MB21D2: variants seen among roughly 807,000 people sequenced by gnomAD.
MB21D2 encodes nucleotidyltransferase MB21D2.
MB21D2 carries 9 observed loss-of-function variants against 33.3 expected under a neutral mutation model. That is an observed-to-expected ratio of 0.27 (90% confidence interval 0.16 to 0.47). The LOEUF is 0.47. MB21D2 is among the 20% of genes least tolerant of loss of function. MB21D2 has a pLI of 0.99. For synonymous variants in MB21D2, 241 were observed against 236.3 expected (o/e 1.02, Z -0.18); for missense variants, 540 against 624.6 (o/e 0.86, Z 1.44).
At position 192,871,124 on chromosome 3, in the gene MB21D2, C is replaced by T. The variant is rs146458236; in HGVS notation, c.211+46506G>A. On this transcript the variant is annotated intron_variant, in intron 1 of 1. Transcript: ENST00000392452. ...TCCACCTGTGAAGCTTCAACTCACA[C>T]GGAACATGGGCATATTCACGAAGGC... Among the ~76,000 whole-genome samples, 30 of 152,300 alleles carry T rather than the reference C, an allele frequency of 2.0e-4. 1 individual carries two copies. Among genetic ancestry groups the T allele is most frequent in the Non-Finnish European group, 3.4e-4 (23 of 68,022 alleles).
Position 192,799,319 on chromosome 3 carries a change from A to G in MB21D2, c.543T>C (p.Pro181=), listed in dbSNP as rs1305879362. ...INGATNYFFS[P]TKVADWFYDS... is the part of the protein sequence containing the mutation. ...CATAGAACCAGTCAGCCACTTTGGT[A>G]GGTGAGAAGAAGTAGTTGGTGGCAC... Residue 181 remains proline, a synonymous_variant, in exon 2 of 2, where the codon CCT becomes CCC. Coordinates refer to ENST00000392452, the MANE Select transcript of MB21D2 (RefSeq NM_178496.4). The surrounding 1 kb of genome is among the most constrained non-coding windows in gnomAD (Gnocchi z 4.1). 6.2e-7 allele frequency: 1 copy of G among 1,614,238 alleles called. No individual in the cohort carries two copies. Among genetic ancestry groups the G allele is most frequent in the East Asian group, 2.2e-5 (1 of 44,876 alleles).
chr3:192,911,377 A>G (rs1460239565), intron 1 of MB21D2, among the ~76,000 whole-genome samples: 1 of 152,152 alleles, frequency 6.6e-6, no homozygotes, highest in Non-Finnish European at 1.5e-5. Flanking sequence ...GAAGAACTCC[A>G]CTATTACTTT....
At chr3:192,857,488 C>T (rs1712943055) in intron 1 of MB21D2, among the ~76,000 whole-genome samples, 1 of 152,188 alleles carries the variant, frequency 6.6e-6, no homozygotes, top group African/African-American at 2.4e-5. Flanking sequence ...AGGAGCCGAG[C>T]ACAGCCTAGA....
chr3:192,830,252 G>T (rs1712284945), intron 1 of MB21D2, among the ~76,000 whole-genome samples: 2 of 151,094 alleles, frequency 1.3e-5, no homozygotes, highest in Non-Finnish European at 3.0e-5. Context: ...GTGTGTGTGT[G>T]TGTGTGTGTG....
chr3:192,858,837 T>C (rs144498341), intron 1 of MB21D2, among the ~76,000 whole-genome samples: 154 of 152,290 alleles, frequency 1.0e-3, no homozygotes, highest in Non-Finnish European at 1.7e-3. Context: ...GGTATTGCAA[T>C]ATAGGCTCTA....
chr3:192,854,056 T>C (rs1055298209), intron 1 of MB21D2, among the ~76,000 whole-genome samples: 3 of 152,204 alleles, frequency 2.0e-5, no homozygotes, highest in Non-Finnish European at 4.4e-5. Context: ...TGCATAATCC[T>C]ACAGTGGCCT....
intron 1 of MB21D2, among the ~76,000 whole-genome samples, chr3:192,874,901 T>C (rs1244550401): frequency 6.6e-6 from 1 of 151,980 alleles, no homozygotes; most frequent in Non-Finnish European, 1.5e-5. Flanking sequence ...GTTTCAGAAA[T>C]CTCCCCCTCC....
chr3:192,894,332 T>C (rs2108648429), intron 1 of MB21D2, among the ~76,000 whole-genome samples: 1 of 152,154 alleles, frequency 6.6e-6, no homozygotes, highest in South Asian at 2.1e-4. Flanking sequence ...GGCTTCACCA[T>C]GTTGGACAGG....
At chr3:192,877,957 A>G (rs1462918144) in intron 1 of MB21D2, among the ~76,000 whole-genome samples, 1 of 151,176 alleles carries the variant, frequency 6.6e-6, no homozygotes, top group Non-Finnish European at 1.5e-5. Context: ...CTCCTTTCAC[A>G]TGAACCTGTT....
chr3:192,904,364 G>A (rs895339944), intron 1 of MB21D2, among the ~76,000 whole-genome samples: 5 of 152,164 alleles, frequency 3.3e-5, no homozygotes, highest in African/African-American at 9.7e-5. Context: ...GATCAGAGGC[G>A]ATAAGTTGAT....
At chr3:192,827,274 G>A (rs1368882872) in intron 1 of MB21D2, among the ~76,000 whole-genome samples, 2 of 152,070 alleles carry the variant, frequency 1.3e-5, no homozygotes, top group Non-Finnish European at 2.9e-5. Flanking sequence ...CACTTTCCAA[G>A]CTCCCCAACC....
intron 1 of MB21D2, among the ~76,000 whole-genome samples, chr3:192,872,542 C>G (rs972924961): frequency 2.0e-5 from 3 of 149,034 alleles, no homozygotes; most frequent in Non-Finnish European, 4.4e-5. Context: ...CGCCACTGCA[C>G]TCCAGCCTGG....
intron 1 of MB21D2, among the ~76,000 whole-genome samples, chr3:192,822,052 C>T (rs1045951108): frequency 9.9e-5 from 15 of 152,076 alleles, no homozygotes; most frequent in South Asian, 2.1e-4. Context: ...CATGGAAATA[C>T]GTGATCTGAT....
intron 1 of MB21D2, among the ~76,000 whole-genome samples, chr3:192,884,495 T>C (rs1054591363): frequency 3.3e-5 from 5 of 151,290 alleles, no homozygotes; most frequent in Admixed American, 2.6e-4. Flanking sequence ...GCCTCCCGAG[T>C]AGCTGGGACT....
intron 1 of MB21D2, among the ~76,000 whole-genome samples, chr3:192,899,394 T>A (rs1714045826): frequency 6.6e-6 from 1 of 152,034 alleles, no homozygotes; most frequent in Admixed American, 6.6e-5. Flanking sequence ...CCAGGCATGG[T>A]GGCGGACGCC....
chr3:192,868,515 T>C (rs1395685269), intron 1 of MB21D2, among the ~76,000 whole-genome samples: 1 of 152,170 alleles, frequency 6.6e-6, no homozygotes, highest in Non-Finnish European at 1.5e-5. Flanking sequence ...GTATTAAGTT[T>C]TTTTTTTTAA....
At chr3:192,903,996 G>A (rs1346640160) in intron 1 of MB21D2, among the ~76,000 whole-genome samples, 3 of 152,136 alleles carry the variant, frequency 2.0e-5, no homozygotes, top group Non-Finnish European at 4.4e-5. Flanking sequence ...TTAAACCTCG[G>A]TTTAAATTAC....
chr3:192,874,245 T>C (rs1361573370), intron 1 of MB21D2, among the ~76,000 whole-genome samples: 3 of 152,160 alleles, frequency 2.0e-5, no homozygotes, highest in Admixed American at 6.5e-5. Flanking sequence ...TTTTGCCATT[T>C]ACCATGCAAA....
At chr3:192,867,656 T>C (rs1461301644) in intron 1 of MB21D2, among the ~76,000 whole-genome samples, 2 of 152,186 alleles carry the variant, frequency 1.3e-5, no homozygotes, top group Non-Finnish European at 2.9e-5. Flanking sequence ...AGGTGAAAGA[T>C]GGCTGCATGC....
Sources: gnomAD v4.1 joint callset for allele counts (sites outside exome capture counted in the v4.1 genomes callset) on GRCh38, gnomAD v4.1.1 for gene constraint, Gnocchi (gnomAD v3.1) non-coding constraint, MANE v1.5 for transcripts, NCBI Gene and HGNC (gene_info 2026-07-23, HGNC 2026-07-21) for gene names.